Variants in CDK19 observed in about 807,000 individuals in gnomAD.
CDK19 encodes cyclin-dependent kinase 19.
A neutral mutation model predicts 68.3 loss-of-function variants in CDK19; 20 were observed. That is an observed-to-expected ratio of 0.29 (90% CI 0.21 to 0.43). CDK19 has a LOEUF of 0.43. Among genes scored for constraint, CDK19 ranks in the 20% least tolerant of loss-of-function variants. CDK19 has a pLI of 1.00. For missense variants in CDK19, 339 were observed against 623.5 expected (o/e 0.54, Z 4.86); for synonymous variants, 221 against 222.8 (o/e 0.99, Z 0.07).
intron 4 of CDK19, among the ~76,000 whole-genome samples, chr6:110,659,970 CAAT>C (rs1157205114): frequency 6.6e-6 from 1 of 152,030 alleles, no homozygotes; most frequent in Non-Finnish European, 1.5e-5. Context: ...TAAAAAATGA[CAAT>C]AACAGGATCC....
intron 1 of CDK19, among the ~76,000 whole-genome samples, chr6:110,804,962 A>G (rs79754769): frequency 6.8e-6 from 1 of 148,000 alleles, no homozygotes; most frequent in Non-Finnish European, 1.5e-5. Flanking sequence ...TCTCAAAACA[A>G]AAAAAAAAAG....
chr6:110,774,690 C>T (rs1008670587), intron 1 of CDK19, among the ~76,000 whole-genome samples: 16 of 152,314 alleles, frequency 1.1e-4, no homozygotes, highest in Admixed American at 2.0e-4. Context: ...TGGGTCATGC[C>T]TGTAATCCCA....
intron 4 of CDK19, among the ~76,000 whole-genome samples, chr6:110,644,319 A>G (rs1780400558): frequency 6.6e-6 from 1 of 151,744 alleles, no homozygotes. Flanking sequence ...AAAAAAATTG[A>G]CTTTATGGAG....
intron 1 of CDK19, among the ~76,000 whole-genome samples, chr6:110,806,281 G>A (rs991462515): frequency 2.2e-4 from 32 of 148,706 alleles, no homozygotes; most frequent in African/African-American, 5.2e-4. Flanking sequence ...CAGAGGTTGC[G>A]GTGAGCCAAG....
At chr6:110,752,679 C>T (rs531509582) in intron 1 of CDK19, among the ~76,000 whole-genome samples, 299 of 152,336 alleles carry the variant, frequency 2.0e-3, no homozygotes, top group Middle Eastern at 6.8e-3. Flanking sequence ...AATGTGACAA[C>T]AGTTTGATTA....
chr6:110,771,922 C>T (rs1780039087), intron 1 of CDK19, among the ~76,000 whole-genome samples: 1 of 152,214 alleles, frequency 6.6e-6, no homozygotes, highest in African/African-American at 2.4e-5. Flanking sequence ...TCCTCATCTC[C>T]ATTTGAGACC....
chr6:110,805,070 A>G (rs1782588613), intron 1 of CDK19, among the ~76,000 whole-genome samples: 1 of 152,118 alleles, frequency 6.6e-6, no homozygotes, highest in Non-Finnish European at 1.5e-5. Flanking sequence ...ACTGCTGCAC[A>G]CTTGTATCCT....
intron 10 of CDK19, 107 bp from the exon 11 acceptor site, chr6:110,622,273 T>A: frequency 1.3e-6 from 1 of 766,510 alleles, no homozygotes; most frequent in South Asian, 1.8e-5. Flanking sequence ...TTTCCTACTC[T>A]TCATCTGTGG....
At chr6:110,634,066 A>G (rs1341177791) in intron 5 of CDK19, among the ~76,000 whole-genome samples, 1 of 152,230 alleles carries the variant, frequency 6.6e-6, no homozygotes. Flanking sequence ...TGTACTATAA[A>G]ATGCATAAAT....
At chr6:110,727,793 C>T (rs1270628518) in intron 2 of CDK19, among the ~76,000 whole-genome samples, 1 of 150,958 alleles carries the variant, frequency 6.6e-6, no homozygotes, top group East Asian at 2.0e-4. Flanking sequence ...GGCAACATAC[C>T]GAGACCTCAT....
At chr6:110,678,109 A>G (rs891743400) in intron 2 of CDK19, among the ~76,000 whole-genome samples, 1 of 152,104 alleles carries the variant, frequency 6.6e-6, no homozygotes. Context: ...CGGCCTCCCA[A>G]CATGTTAGGA....
intron 2 of CDK19, among the ~76,000 whole-genome samples, chr6:110,695,526 C>T (rs1456966762): frequency 6.6e-6 from 1 of 151,536 alleles, no homozygotes; most frequent in African/African-American, 2.4e-5. Flanking sequence ...AAAATTGAAA[C>T]AAAAAAATTT....
At chr6:110,616,182 T>C (rs1363291567) in intron 12 of CDK19, among the ~76,000 whole-genome samples, 1 of 152,176 alleles carries the variant, frequency 6.6e-6, no homozygotes, top group Non-Finnish European at 1.5e-5. Context: ...TGGCTCTATC[T>C]GGGCAGCGAG....
chr6:110,737,533 A>G (rs1777335298), intron 2 of CDK19, among the ~76,000 whole-genome samples: 1 of 152,198 alleles, frequency 6.6e-6, no homozygotes, highest in African/African-American at 2.4e-5. Context: ...GGCATAGTAG[A>G]GCAGACAACA....
chr6:110,646,392 T>C, intron 4 of CDK19: 1 of 1,484,322 alleles, frequency 6.7e-7, no homozygotes. Context: ...CTTCTGCCCA[T>C]GGGGCTGCTG....
intron 1 of CDK19, among the ~76,000 whole-genome samples, chr6:110,781,079 T>C (rs1780776979): frequency 6.6e-6 from 1 of 152,204 alleles, no homozygotes; most frequent in African/African-American, 2.4e-5. Context: ...GATATTAGTG[T>C]ATTAGTCCAT....
At chr6:110,685,106 C>G (rs900176263) in intron 2 of CDK19, among the ~76,000 whole-genome samples, 1 of 152,130 alleles carries the variant, frequency 6.6e-6, no homozygotes, top group African/African-American at 2.4e-5. Context: ...CCACTGCATT[C>G]CAGCCTGGGC....
chr6:110,791,405 A>G (rs1007891191), intron 1 of CDK19, among the ~76,000 whole-genome samples: 2 of 152,136 alleles, frequency 1.3e-5, no homozygotes, highest in Non-Finnish European at 2.9e-5. Context: ...TTGTAGATGT[A>G]AATGGTATAG....
intron 1 of CDK19, among the ~76,000 whole-genome samples, chr6:110,775,273 A>G (rs1037476080): frequency 6.6e-6 from 1 of 152,164 alleles, no homozygotes; most frequent in African/African-American, 2.4e-5. Context: ...AAAATAAAAG[A>G]AATTAGGTGG....
Sources: allele counts gnomAD v4.1 joint callset (sites outside exome capture counted in the v4.1 genomes callset), GRCh38; gene constraint gnomAD v4.1.1; transcripts MANE v1.5; gene names NCBI Gene and HGNC (gene_info 2026-07-23, HGNC 2026-07-21).